CDC45: variants seen among roughly 807,000 people sequenced by gnomAD.
The protein encoded by CDC45 is cell division control protein 45 homolog.
Under a neutral mutation model 77.8 loss-of-function variants are expected in CDC45, and 54 were observed. The ratio of observed to expected loss-of-function variants is 0.69; its 90% CI spans 0.56 to 0.87. CDC45 has a LOEUF of 0.87. Ranked by LOEUF, CDC45 falls within the 40% of genes least tolerant of loss-of-function variation. The pLI is 0.00. For missense variants in CDC45, 649 were observed against 721.6 expected (o/e 0.90, Z 1.15); for synonymous variants, 260 against 272.1 (o/e 0.96, Z 0.44).
chr22:19,516,131 G>C (rs113359446), intron 15 of CDC45, among the ~76,000 whole-genome samples: 2 of 152,152 alleles, frequency 1.3e-5, no homozygotes, highest in Admixed American at 1.3e-4. Context: ...AGGATGAGGC[G>C]GGGTGGGCTG....
In CDC45 at chr22:19,496,029, G is replaced by A. The variant is rs148779081; in HGVS notation, c.591G>A (p.Ser197=). 1.6e-5 allele frequency: 26 copies of A among 1,599,456 alleles called. No individual in the cohort carries two copies. In the African/African-American group the frequency reaches 2.0e-4, roughly 12 times the overall value. The part of the protein sequence containing the change: ...DYEQYEYHGT[S]SAMVMFELAW... Reference sequence around the variant, plus strand: ...AGCAGTATGAATATCATGGGACATCGGTAAGTATGAATAGGTGGAACTCAC... The same window carrying A: ...AGCAGTATGAATATCATGGGACATCAGTAAGTATGAATAGGTGGAACTCAC... Residue 197 remains serine (S), a splice_region_variant and synonymous_variant, in exon 7 of 19, where the codon TCG becomes TCA. Coordinates refer to ENST00000263201, the MANE Select transcript of CDC45 (RefSeq NM_003504.5).
intron 13 of CDC45, among the ~76,000 whole-genome samples, chr22:19,511,922 T>G (rs964344289): frequency 6.7e-6 from 1 of 149,156 alleles, no homozygotes; most frequent in African/African-American, 2.5e-5. Flanking sequence ...CTGGAGGTTT[T>G]TTTTTTTTTT....
chr22:19,487,877 C>T (rs567871866), intron 5 of CDC45, among the ~76,000 whole-genome samples: 2 of 141,584 alleles, frequency 1.4e-5, no homozygotes, highest in South Asian at 2.3e-4. Flanking sequence ...CACCACTGCA[C>T]TCCAGCCTGG....
intron 5 of CDC45, among the ~76,000 whole-genome samples, chr22:19,488,568 G>C (rs1744403539): frequency 6.6e-6 from 1 of 152,184 alleles, no homozygotes; most frequent in African/African-American, 2.4e-5. Flanking sequence ...TCAGCATCCA[G>C]TAGCCACAAG....
intron 12 of CDC45, 78 bp downstream of exon 12, chr22:19,507,942 C>A: frequency 9.9e-7 from 1 of 1,006,280 alleles, no homozygotes. Flanking sequence ...TAACTGTGCT[C>A]CTAAAATAAT....
intron 6 of CDC45, among the ~76,000 whole-genome samples, chr22:19,495,274 AGCCTAGTACTTAATT>A (rs2090222243): frequency 1.3e-5 from 2 of 152,244 alleles, no homozygotes; most frequent in Admixed American, 6.5e-5. Flanking sequence ...CTTTCTAAAC[AGCCTAGTACTTAATT>A]GGCAGTTTCC....
intron 9 of CDC45, among the ~76,000 whole-genome samples, chr22:19,500,374 A>G (rs2090319068): frequency 6.6e-6 from 1 of 152,172 alleles, no homozygotes; most frequent in Non-Finnish European, 1.5e-5. Context: ...AAATGAACCC[A>G]GCTCGCAGCA....
At chr22:19,516,780 G>T in intron 16 of CDC45, 37 bp from the exon 17 acceptor site, 1 of 1,594,182 alleles carries the variant, frequency 6.3e-7, no homozygotes, top group Non-Finnish European at 8.6e-7. Flanking sequence ...GTCCATTGCA[G>T]GCCGCCTGGC....
chr22:19,498,858 CCT>C (rs2090289868), intron 8 of CDC45, among the ~76,000 whole-genome samples: 1 of 152,182 alleles, frequency 6.6e-6, no homozygotes, highest in South Asian at 2.1e-4. Context: ...AGGTTTTCCT[CCT>C]CTGAGTACCT....
At chr22:19,519,338 A>G (rs1478069135) in intron 18 of CDC45, among the ~76,000 whole-genome samples, 2 of 152,198 alleles carry the variant, frequency 1.3e-5, no homozygotes, top group African/African-American at 4.8e-5. Flanking sequence ...CTCATGAGAA[A>G]GCAAAGCTGT....
intron 3 of CDC45, 121 bp from the exon 4 acceptor site, chr22:19,482,569 C>T (rs540395011): frequency 3.7e-6 from 4 of 1,068,968 alleles, no homozygotes; most frequent in Admixed American, 2.4e-5. Context: ...TCCCTTGCCA[C>T]GTGGGCCTCG....
intron 2 of CDC45, 42 bp downstream of exon 2, chr22:19,480,259 G>C (rs746071726): frequency 1.3e-6 from 2 of 1,584,480 alleles, no homozygotes; most frequent in Non-Finnish European, 1.7e-6. Context: ...CGGCGCGCGA[G>C]GTGAGGGTGC....
At chr22:19,502,202 A>G (rs1158432516) in intron 9 of CDC45, among the ~76,000 whole-genome samples, 1 of 152,232 alleles carries the variant, frequency 6.6e-6, no homozygotes, top group African/African-American at 2.4e-5. Flanking sequence ...TACAGTCTTA[A>G]AACCTTTTAT....
At chr22:19,519,375 A>G (rs530925145) in intron 18 of CDC45, among the ~76,000 whole-genome samples, 1 of 152,336 alleles carries the variant, frequency 6.6e-6, no homozygotes, top group South Asian at 2.1e-4. Flanking sequence ...GGGAATTCCA[A>G]AGCGCTGGTT....
At position 19,485,844 on chromosome 22, in the gene CDC45, A is replaced by G. The variant is rs201612588; in HGVS notation, c.486+1839A>G. ...GTGGTCTCAGCTACTTGGGAGGCCA[A>G]GGCAGGAGGATTGATGAAGCCCAGG... On this transcript the variant is annotated intron_variant, in intron 5 of 18. Transcript: ENST00000263201. 1.8e-4 allele frequency among the ~76,000 whole-genome samples: 28 copies of G among 152,302 alleles called. No homozygotes were observed. The East Asian group carries it at 5.4e-3, about 29-fold the overall frequency.
chr22:19,487,799 C>T (rs5746751), intron 5 of CDC45, among the ~76,000 whole-genome samples: 6,004 of 149,610 alleles, frequency 0.04, 212 homozygotes, highest in South Asian at 0.13. Flanking sequence ...GTAGTCCCAG[C>T]TACTCAGAAG....
rs1015221471 is a variant in CDC45, at chr22:19,515,025, C to T, written c.1417C>T (p.Leu473=). ...PASLSLLSKH[L]LKSFVCSTKN... ...ATCCCTAAGCCTGCTCAGCAAACAC[C>T]TGCTCAAGTCCTTTGTGTGTTCGGT... The change falls in exon 15 of 19, where the codon CTG becomes TTG. Residue 473 remains leucine (L), a synonymous_variant. Coordinates refer to ENST00000263201, the MANE Select transcript of CDC45 (RefSeq NM_003504.5). 2 of 1,611,800 alleles carry T rather than the reference C, an allele frequency of 1.2e-6. No individual in the cohort carries two copies. Among genetic ancestry groups the T allele is most frequent in the Admixed American group, 1.7e-5 (1 of 59,944 alleles).
chr22:19,482,329 C>T (rs111703415), intron 3 of CDC45, among the ~76,000 whole-genome samples: 6 of 152,244 alleles, frequency 3.9e-5, no homozygotes, highest in East Asian at 1.9e-4. Context: ...TAAACCTGTA[C>T]GATGCCATTA....
chr22:19,518,635 C>T (rs923774614), intron 17 of CDC45, among the ~76,000 whole-genome samples: 1 of 152,134 alleles, frequency 6.6e-6, no homozygotes, highest in East Asian at 1.9e-4. Context: ...CTGCAGGCCC[C>T]AACCCTGACC....
Sources: allele counts gnomAD v4.1 joint callset (sites outside exome capture counted in the v4.1 genomes callset), GRCh38; gene constraint gnomAD v4.1.1; transcripts MANE v1.5; gene names NCBI Gene and HGNC (gene_info 2026-07-23, HGNC 2026-07-21).